Variants in CDH18 observed in about 807,000 individuals in gnomAD.
CDH18 encodes cadherin-18.
A neutral mutation model predicts 67.9 loss-of-function variants in CDH18; 31 were observed. The observed-to-expected ratio is 0.46, with a 90% CI of 0.34 to 0.62. CDH18 has a LOEUF of 0.62. CDH18 is among the 20% of genes least tolerant of loss of function. The pLI is 0.01. For synonymous variants in CDH18, 362 were observed against 347.2 expected (o/e 1.04, Z -0.48); for missense variants, 890 against 975.5 (o/e 0.91, Z 1.17).
intron 1 of CDH18, among the ~76,000 whole-genome samples, chr5:20,270,743 T>C (rs539000077): frequency 1.8e-4 from 28 of 152,194 alleles, no homozygotes; most frequent in African/African-American, 6.7e-4. Context: ...TAAATGCCCA[T>C]CAGTGGTAGA....
chr5:19,628,185 G>A (rs557167329), intron 5 of CDH18, among the ~76,000 whole-genome samples: 128 of 152,112 alleles, frequency 8.4e-4, no homozygotes, highest in African/African-American at 2.6e-3. Context: ...TTCCTCTTTC[G>A]CTTGATTCTC....
chr5:20,288,586 T>G (rs556878539), intron 1 of CDH18, among the ~76,000 whole-genome samples: 1 of 151,758 alleles, frequency 6.6e-6, no homozygotes, highest in South Asian at 2.1e-4. Context: ...TCAAAATAAT[T>G]TGACTGCCAG....
chr5:19,880,026 A>G (rs1213944654), intron 2 of CDH18, among the ~76,000 whole-genome samples: 6 of 152,084 alleles, frequency 3.9e-5, no homozygotes, highest in Non-Finnish European at 8.8e-5. Context: ...CATTAAATAT[A>G]CCATGCAAAC....
intron 2 of CDH18, among the ~76,000 whole-genome samples, chr5:20,143,682 T>C (rs1750421257): frequency 6.6e-6 from 1 of 152,204 alleles, no homozygotes; most frequent in Admixed American, 6.5e-5. Context: ...ATGAGATTTC[T>C]AAGCAAAGTG....
chr5:19,538,930 A>G (rs887976209), intron 9 of CDH18, among the ~76,000 whole-genome samples: 1 of 152,210 alleles, frequency 6.6e-6, no homozygotes, highest in Non-Finnish European at 1.5e-5. Context: ...GAAGATTTTT[A>G]AAAATCCCAT....
chr5:19,715,454 A>G (rs1581024030), intron 5 of CDH18, among the ~76,000 whole-genome samples: 1 of 152,148 alleles, frequency 6.6e-6, no homozygotes, highest in South Asian at 2.1e-4. Context: ...TTTCAGACAG[A>G]GCATGGCAGT....
chr5:20,402,799 T>A (rs1212010909), intron 1 of CDH18, among the ~76,000 whole-genome samples: 1 of 151,952 alleles, frequency 6.6e-6, no homozygotes, highest in African/African-American at 2.4e-5. Flanking sequence ...TACCCACTAC[T>A]CGGGAGGCTG....
At chr5:19,939,769 A>G (rs1355824858) in intron 2 of CDH18, among the ~76,000 whole-genome samples, 2 of 151,846 alleles carry the variant, frequency 1.3e-5, no homozygotes. Flanking sequence ...GATCATTTCG[A>G]TTTGTTAAAT....
intron 2 of CDH18, among the ~76,000 whole-genome samples, chr5:19,943,808 G>T (rs893482833): frequency 6.6e-6 from 1 of 151,898 alleles, no homozygotes; most frequent in African/African-American, 2.4e-5. Flanking sequence ...TCCCCTTAAA[G>T]AAATATACCC....
intron 2 of CDH18, among the ~76,000 whole-genome samples, chr5:19,920,307 G>A (rs1792286924): frequency 1.3e-5 from 2 of 152,064 alleles, no homozygotes; most frequent in African/African-American, 4.8e-5. Context: ...AACAGAAACA[G>A]ATGTTAATTC....
At chr5:20,250,097 A>G (rs1490296750) in intron 2 of CDH18, among the ~76,000 whole-genome samples, 1 of 152,200 alleles carries the variant, frequency 6.6e-6, no homozygotes, top group East Asian at 1.9e-4. Context: ...TGCCACTTCA[A>G]GAATAACTTA....
chr5:19,597,095 C>A (rs1185111525), intron 6 of CDH18, among the ~76,000 whole-genome samples: 1 of 152,152 alleles, frequency 6.6e-6, no homozygotes, highest in Non-Finnish European at 1.5e-5. Context: ...TTTCTCACTC[C>A]CTCTTGTATC....
intron 3 of CDH18, among the ~76,000 whole-genome samples, chr5:19,762,307 C>A (rs534870402): frequency 6.6e-6 from 1 of 152,242 alleles, no homozygotes; most frequent in Admixed American, 6.5e-5. Flanking sequence ...GAACAGGCAA[C>A]CTACAGAATG....
intron 5 of CDH18, among the ~76,000 whole-genome samples, chr5:19,717,888 G>A (rs543672014): frequency 6.6e-6 from 1 of 151,970 alleles, no homozygotes; most frequent in African/African-American, 2.4e-5. Flanking sequence ...TTAAATGGTA[G>A]TTAATGTTAA....
At chr5:19,697,029 C>T (rs1440174170) in intron 5 of CDH18, among the ~76,000 whole-genome samples, 1 of 152,070 alleles carries the variant, frequency 6.6e-6, no homozygotes, top group African/African-American at 2.4e-5. Context: ...AATACTAGCT[C>T]AATGAATGAA....
chr5:19,792,530 C>G (rs1581375039), intron 3 of CDH18, among the ~76,000 whole-genome samples: 1 of 152,068 alleles, frequency 6.6e-6, no homozygotes, highest in East Asian at 1.9e-4. Context: ...GAGCAAATTC[C>G]CACAGTAAAT....
intron 1 of CDH18, among the ~76,000 whole-genome samples, chr5:20,399,174 G>A (rs763794796): frequency 6.6e-6 from 1 of 152,154 alleles, no homozygotes; most frequent in Non-Finnish European, 1.5e-5. Flanking sequence ...CTAATGCAAA[G>A]ATCAGGGAAA....
intron 1 of CDH18, among the ~76,000 whole-genome samples, chr5:20,465,148 G>A (rs144569047): frequency 1.1e-4 from 17 of 152,152 alleles, no homozygotes; most frequent in Non-Finnish European, 1.9e-4. Context: ...TAAATGACAG[G>A]ATGGCATGAG....
At chr5:19,558,248 GA>G (rs141604366) in intron 8 of CDH18, among the ~76,000 whole-genome samples, 15,464 of 151,606 alleles carry the variant, frequency 0.1, 995 homozygotes, top group Non-Finnish European at 0.13. Flanking sequence ...AGAGAAACAA[GA>G]ACAAACCACA....
Sources: allele counts gnomAD v4.1 joint callset (sites outside exome capture counted in the v4.1 genomes callset), GRCh38; gene constraint gnomAD v4.1.1; transcripts MANE v1.5; gene names NCBI Gene and HGNC (gene_info 2026-07-23, HGNC 2026-07-21).